The following SYT3 variants were observed in gnomAD, a reference collection of about 807,000 sequenced individuals.
SYT3 encodes synaptotagmin-3.
A neutral mutation model predicts 50.6 loss-of-function variants in SYT3; 25 were observed. The ratio of observed to expected loss-of-function variants is 0.49; its 90% CI spans 0.36 to 0.69. The LOEUF (loss-of-function observed/expected upper bound fraction) is 0.69. Among genes scored for constraint, SYT3 ranks in the 30% least tolerant of loss-of-function variants. The pLI, the probability that SYT3 is intolerant of heterozygous loss-of-function variation, is 0.00. For synonymous variants in SYT3, 323 were observed against 353.9 expected (o/e 0.91, Z 0.98); for missense variants, 589 against 793.6 (o/e 0.74, Z 3.10).
Position 50,625,218 on chromosome 19 carries a change from C to A in SYT3, c.1651G>T (p.Ala551Ser). The A allele has an allele frequency of 6.3e-7, 1 of 1,598,632 alleles. No individual in the cohort carries two copies. The highest frequency in any genetic ancestry group is 1.1e-5 in the South Asian group (1 of 89,336). Residue 551 changes from alanine to serine, a missense_variant, in exon 9 of 11, where the codon GCA becomes TCA. Coordinates refer to ENST00000600079, the MANE Select transcript of SYT3 (RefSeq NM_001160329.2). This position sits in a 1 kb window ranked among gnomAD's most constrained non-coding sequence, Gnocchi z 7.5. ...TTGCGGGGATTGGCCAGCATCTCTG[C>A]CCAGTGCTCGCGGCCGTGCGGGTCG... ...AADPHGREHW[A>S]EMLANPRKPV...
chr19:50,643,415 C>G (rs118135393), upstream of SYT3, among the ~76,000 whole-genome samples: 21,518 of 150,732 alleles, frequency 0.14, 1,727 homozygotes, highest in South Asian at 0.18. Context: ...GAGCCATGAT[C>G]GTGCCACTGC....
chr19:50,655,888 C>T, the SYT3 span, among the ~76,000 whole-genome samples: 3 of 152,180 alleles, frequency 2.0e-5, no homozygotes, highest in East Asian at 1.9e-4. Flanking sequence ...ATCACAGAGC[C>T]GGTGTCATGG....
chr19:50,648,334 C>G, the SYT3 span, among the ~76,000 whole-genome samples: 1 of 152,142 alleles, frequency 6.6e-6, no homozygotes, highest in Non-Finnish European at 1.5e-5. Flanking sequence ...ATCAAGGTGC[C>G]ACCACCTAGA....
chr19:50,635,118 A>G (rs1478629776), intron 3 of SYT3, among the ~76,000 whole-genome samples: 1 of 151,814 alleles, frequency 6.6e-6, no homozygotes, highest in Non-Finnish European at 1.5e-5. Context: ...GGGTTTTACC[A>G]TGGATGGTCT....
intron 10 of SYT3, 90 bp from the exon 11 acceptor site, chr19:50,622,571 G>A: frequency 2.6e-6 from 2 of 777,492 alleles, no homozygotes; most frequent in South Asian, 1.5e-5. Context: ...AGAGATCCAG[G>A]AGTCCCAGGC....
rs769077864 is a variant in SYT3 at position 50,625,016 on chromosome 19, C to T, written c.1707+146G>A. 9 of 868,478 alleles carry T rather than the reference C, an allele frequency of 1.0e-5. No homozygotes were observed. The highest frequency in any genetic ancestry group is 3.4e-5 in the African/African-American group (2 of 58,130). The allele number at this position is 868,478 out of a possible 1,614,324, so 53.8% of individuals were successfully genotyped here. Reference sequence around the variant, plus strand: ...AGCGCTTGGGTAACTGGCTCTAAGCCGCACAGCTAAAGTTGGCACAGCAGG... The same window carrying T: ...AGCGCTTGGGTAACTGGCTCTAAGCTGCACAGCTAAAGTTGGCACAGCAGG... On this transcript the variant is annotated intron_variant, in intron 9 of 10. Coordinates refer to ENST00000600079, the MANE Select transcript of SYT3 (RefSeq NM_001160329.2). This position sits in a 1 kb window ranked among gnomAD's most constrained non-coding sequence, Gnocchi z 7.5.
chr19:50,653,741 C>CACACAG, the SYT3 span, among the ~76,000 whole-genome samples: 1 of 138,964 alleles, frequency 7.2e-6, no homozygotes, highest in Non-Finnish European at 1.5e-5. Context: ...CACACACACA[C>CACACAG]GTTGTCTCAG....
At chr19:50,640,145 G>A (rs2123027501), upstream of SYT3, among the ~76,000 whole-genome samples, 1 of 152,266 alleles carries the variant, frequency 6.6e-6, no homozygotes, top group Middle Eastern at 3.4e-3. Flanking sequence ...CCTCTTCCCA[G>A]GAACCCAGGA....
chr19:50,636,315 T>A (rs1357864928), intron 3 of SYT3, among the ~76,000 whole-genome samples: 2 of 152,144 alleles, frequency 1.3e-5, no homozygotes, highest in East Asian at 3.9e-4. Context: ...AGTCAATGAT[T>A]CTAGCAAATC....
At chr19:50,649,785 ATTC>A in the SYT3 span, 1 of 574,596 alleles carries the variant, frequency 1.7e-6, no homozygotes, top group Non-Finnish European at 3.3e-6. Context: ...CTCTGAGGCC[ATTC>A]TTCTCCTAGG....
the SYT3 span, among the ~76,000 whole-genome samples, chr19:50,651,337 C>T: frequency 6.6e-6 from 1 of 152,184 alleles, no homozygotes; most frequent in Non-Finnish European, 1.5e-5. Flanking sequence ...TCTGTCACCT[C>T]TTTATTTGGT....
the SYT3 span, among the ~76,000 whole-genome samples, chr19:50,656,707 T>C: frequency 1.3e-5 from 2 of 152,116 alleles, no homozygotes; most frequent in Middle Eastern, 3.4e-3. Flanking sequence ...ATCCCAGCAC[T>C]TTGGGAGGCT....
At chr19:50,636,272 C>G (rs1016620125) in intron 3 of SYT3, among the ~76,000 whole-genome samples, 1 of 151,840 alleles carries the variant, frequency 6.6e-6, no homozygotes, top group African/African-American at 2.4e-5. Context: ...AACAAACAGA[C>G]AGACAAACAA....
Position 50,627,495 on chromosome 19 carries a change from C to T in SYT3, c.1282-1478G>A, listed in dbSNP as rs551660994. 4.6e-5 allele frequency among the ~76,000 whole-genome samples: 7 copies of T among 152,232 alleles called. No homozygotes were observed. The South Asian group carries it at 6.2e-4, about 14-fold the overall frequency. ...CAGCACTTTGGGAGGCTGAGGTGGG[C>T]GGTTAACCTGAGCTCAGGAGTTCGA... On this transcript the variant is annotated intron_variant, in intron 6 of 10. Transcript: ENST00000600079.
At chr19:50,646,320 G>A in the SYT3 span, among the ~76,000 whole-genome samples, 1 of 152,334 alleles carries the variant, frequency 6.6e-6, no homozygotes, top group South Asian at 2.1e-4. Context: ...AGCATTTGAT[G>A]CTGGTCTGTT....
chr19:50,656,443 C>A, the SYT3 span: 1 of 1,420,478 alleles, frequency 7.0e-7, no homozygotes. Flanking sequence ...TAAATTCAGG[C>A]TTTTGGCTTA....
intron 4 of SYT3, among the ~76,000 whole-genome samples, chr19:50,630,554 C>T (rs1984265875): frequency 6.6e-6 from 1 of 152,136 alleles, no homozygotes; most frequent in African/African-American, 2.4e-5. Context: ...TCCCGAGTAA[C>T]TGGGATTACA....
At position 50,622,253 on chromosome 19, in the gene SYT3, C is replaced by G. The variant is rs1333878205; in HGVS notation, c.*232G>C. ...GGCCCCTCGCCTCGAGGGGGAGCCC[C>G]AGGGAAGAAAAGACAGACACAGTGG... On this transcript the variant is annotated 3_prime_UTR_variant, in exon 11 of 11. Transcript: ENST00000600079. 1 of 159,064 alleles carries G rather than the reference C, an allele frequency of 6.3e-6. No individual in the cohort carries two copies. Among genetic ancestry groups the G allele is most frequent in the African/African-American group, 2.4e-5 (1 of 41,114 alleles). 9.9% of individuals were successfully genotyped at this position (159,064 alleles called of 1,614,324 possible). A position where few individuals can be genotyped will look rare whatever the true frequency, so the allele number is the denominator to read the frequency against.
intron 5 of SYT3, 81 bp downstream of exon 5, chr19:50,629,703 C>T: frequency 7.4e-7 from 1 of 1,353,414 alleles, no homozygotes; most frequent in South Asian, 1.4e-5. Context: ...AGGCCCCCAG[C>T]CCCTCCTCCC....
Sources: gnomAD v4.1 joint callset for allele counts (sites outside exome capture counted in the v4.1 genomes callset) on GRCh38, gnomAD v4.1.1 for gene constraint, Gnocchi (gnomAD v3.1) non-coding constraint, MANE v1.5 for transcripts, NCBI Gene and HGNC (gene_info 2026-07-23, HGNC 2026-07-21) for gene names.